Variants in CTNNA2 observed in about 807,000 individuals in gnomAD.
CTNNA2 encodes catenin alpha-2.
In CTNNA2, 42 loss-of-function variants were observed where a neutral mutation model predicts 101.0. The ratio of observed to expected loss-of-function variants is 0.42; its 90% confidence interval spans 0.32 to 0.54. CTNNA2 has a LOEUF of 0.54. Ranked by LOEUF, CTNNA2 falls within the 20% of genes least tolerant of loss-of-function variation. The pLI, the probability that CTNNA2 is intolerant of heterozygous loss-of-function variation, is 0.14. For synonymous variants in CTNNA2, 450 were observed against 456.4 expected (o/e 0.99, Z 0.18); for missense variants, 871 against 1,223.1 (o/e 0.71, Z 4.29).
chr2:80,009,923 G>C (rs553276849), intron 7 of CTNNA2, among the ~76,000 whole-genome samples: 63 of 152,230 alleles, frequency 4.1e-4, no homozygotes, highest in Non-Finnish European at 7.9e-4. Context: ...AGGTTCAGAT[G>C]TTGGCTTTGT....
chr2:80,361,842 A>G (rs571554505), intron 7 of CTNNA2, among the ~76,000 whole-genome samples: 2 of 152,314 alleles, frequency 1.3e-5, no homozygotes, highest in Admixed American at 6.5e-5. Flanking sequence ...GTACTAAACA[A>G]GAATATGATG....
At chr2:80,402,759 A>G (rs1678673704) in intron 8 of CTNNA2, among the ~76,000 whole-genome samples, 1 of 148,032 alleles carries the variant, frequency 6.8e-6, no homozygotes, top group African/African-American at 2.4e-5. Flanking sequence ...TTATATATTT[A>G]TATAATTTAT....
At chr2:79,262,433 T>C (rs1016441119) in intron 2 of CTNNA2, among the ~76,000 whole-genome samples, 3 of 151,608 alleles carry the variant, frequency 2.0e-5, no homozygotes, top group Non-Finnish European at 4.4e-5. Flanking sequence ...AATAGAAAAA[T>C]AAGATCATTT....
At chr2:79,995,724 G>A (rs72922654) in intron 7 of CTNNA2, among the ~76,000 whole-genome samples, 7,364 of 152,194 alleles carry the variant, frequency 0.048, 595 homozygotes, top group African/African-American at 0.17. Flanking sequence ...GAGGTGGGAG[G>A]ATCCTTTGAA....
intron 2 of CTNNA2, among the ~76,000 whole-genome samples, chr2:79,717,781 G>T (rs1348182530): frequency 6.6e-6 from 1 of 152,286 alleles, no homozygotes; most frequent in South Asian, 2.1e-4. Context: ...AGGCCAGGGG[G>T]TAGGGCCAAC....
chr2:79,716,683 GT>G (rs1686128963), intron 2 of CTNNA2, among the ~76,000 whole-genome samples: 1 of 152,132 alleles, frequency 6.6e-6, no homozygotes, highest in South Asian at 2.1e-4. Context: ...TCCAGGAGGG[GT>G]GTCCTGGGAA....
intron 9 of CTNNA2, among the ~76,000 whole-genome samples, chr2:80,469,455 G>T (rs539972089): frequency 6.6e-6 from 1 of 152,316 alleles, no homozygotes; most frequent in Non-Finnish European, 1.5e-5. Context: ...AGATATTACG[G>T]AGTTTACTGA....
At chr2:80,073,681 T>A (rs1381346731) in intron 7 of CTNNA2, among the ~76,000 whole-genome samples, 2 of 151,820 alleles carry the variant, frequency 1.3e-5, no homozygotes, top group Non-Finnish European at 2.9e-5. Flanking sequence ...AGTGCCAGTG[T>A]GCAGGCGCTC....
At chr2:80,311,158 CTG>C (rs538412152) in intron 7 of CTNNA2, among the ~76,000 whole-genome samples, 398 of 152,160 alleles carry the variant, frequency 2.6e-3, no homozygotes, top group Middle Eastern at 0.01. Context: ...ATAAAATTTA[CTG>C]TGATTAATAT....
intron 7 of CTNNA2, among the ~76,000 whole-genome samples, chr2:80,203,235 A>G (rs1707321142): frequency 6.6e-6 from 1 of 152,148 alleles, no homozygotes; most frequent in Non-Finnish European, 1.5e-5. Context: ...TCACATTTCA[A>G]CACCAACTAT....
At chr2:79,997,274 T>C (rs1480949427) in intron 7 of CTNNA2, among the ~76,000 whole-genome samples, 1 of 150,724 alleles carries the variant, frequency 6.6e-6, no homozygotes, top group African/African-American at 2.4e-5. Flanking sequence ...AAACACCTTT[T>C]CTACTATGTT....
intron 7 of CTNNA2, among the ~76,000 whole-genome samples, chr2:80,123,520 C>T (rs999894740): frequency 4.0e-5 from 6 of 151,726 alleles, no homozygotes; most frequent in Admixed American, 2.0e-4. Context: ...TGGTATTCAA[C>T]AGGAATTTTC....
intron 3 of CTNNA2, among the ~76,000 whole-genome samples, chr2:79,371,883 G>A (rs544333052): frequency 2.0e-5 from 3 of 152,274 alleles, no homozygotes; most frequent in Non-Finnish European, 4.4e-5. Flanking sequence ...TAGGGAGGTT[G>A]CTCCACTGGG....
chr2:79,811,326 C>A (rs551486615), intron 3 of CTNNA2, among the ~76,000 whole-genome samples: 3 of 152,228 alleles, frequency 2.0e-5, no homozygotes, highest in East Asian at 1.9e-4. Context: ...TAAATGTCTT[C>A]TTTTGAGGAG....
chr2:80,258,016 C>A (rs959243578), intron 7 of CTNNA2, among the ~76,000 whole-genome samples: 145 of 152,310 alleles, frequency 9.5e-4, no homozygotes, highest in African/African-American at 3.4e-3. Flanking sequence ...ATCACACACA[C>A]CCTGGACGTT....
intron 3 of CTNNA2, among the ~76,000 whole-genome samples, chr2:79,846,020 T>C: frequency 6.6e-6 from 1 of 152,298 alleles, no homozygotes; most frequent in African/African-American, 2.4e-5. Context: ...TTAAAGGCTA[T>C]GCCATTTAAA....
In CTNNA2 at chr2:79,975,158, G is replaced by A. The variant is rs559079626; in HGVS notation, c.1056+65361G>A. On this transcript the variant is annotated intron_variant, in intron 7 of 18. Transcript: ENST00000402739. ...GGATAAGGAGTGACTTGCCTTATTC[G>A]TGAAACAAAATGATTTTGAGTTAGA... 1.0e-3 allele frequency among the ~76,000 whole-genome samples: 155 copies of A among 152,186 alleles called. 1 individual carries two copies. The highest frequency in any genetic ancestry group is 1.9e-3 in the Non-Finnish European group (128 of 68,010).
At chr2:79,198,299 G>A (rs1010387739) in intron 2 of CTNNA2, among the ~76,000 whole-genome samples, 2 of 152,056 alleles carry the variant, frequency 1.3e-5, no homozygotes, top group African/African-American at 4.8e-5. Context: ...TTTCCTTTGT[G>A]CATTTTTTAA....
At position 80,201,263 on chromosome 2, in the gene CTNNA2, G is replaced by C. The variant is rs577790649; in HGVS notation, c.1057-191948G>C. On this transcript the variant is annotated intron_variant, in intron 7 of 18. Transcript: ENST00000402739. ...CCATGGGTGTATAACTCACAGATAA[G>C]GAGGCCTGACTACATTCCCAAAGAA... Among the ~76,000 whole-genome samples the C allele has an allele frequency of 5.0e-4, 76 of 151,782 alleles. 1 individual carries two copies. The South Asian group carries it at 0.015, about 31-fold the overall frequency.
Sources: allele counts gnomAD v4.1 joint callset (sites outside exome capture counted in the v4.1 genomes callset), GRCh38; gene constraint gnomAD v4.1.1; transcripts MANE v1.5; gene names NCBI Gene and HGNC (gene_info 2026-07-23, HGNC 2026-07-21).